TIPARP: variants seen among roughly 807,000 people sequenced by gnomAD.
The protein encoded by TIPARP is protein mono-ADP-ribosyltransferase TIPARP.
In TIPARP, 12 loss-of-function variants were observed where a neutral mutation model predicts 56.5. That is an observed-to-expected ratio of 0.21 (90% CI 0.14 to 0.34). TIPARP has a LOEUF of 0.34. TIPARP is among the 10% of genes least tolerant of loss of function. The pLI is 1.00. For synonymous variants in TIPARP, 296 were observed against 265.7 expected (o/e 1.11, Z -1.11); for missense variants, 604 against 781.6 (o/e 0.77, Z 2.71).
intron 1 of TIPARP, chr3:156,676,646 AGAG>A (rs1238868988): frequency 6.6e-6 from 1 of 152,212 alleles, no homozygotes; most frequent in Non-Finnish European, 1.5e-5. Flanking sequence ...ACAAGAGAGA[AGAG>A]GATTAATTGC....
intron 4 of TIPARP, among the ~76,000 whole-genome samples, chr3:156,698,402 G>A (rs1405145254): frequency 6.6e-6 from 1 of 152,164 alleles, no homozygotes; most frequent in African/African-American, 2.4e-5. Flanking sequence ...GAGAGAAGTT[G>A]ATGCTTGGCT....
rs1722936537 is a variant in TIPARP at position 156,704,667 on chromosome 3, T to G, written c.1527-17T>G. The G allele has an allele frequency of 6.2e-7, 1 of 1,600,232 alleles. No individual in the cohort carries two copies. On this transcript the variant is annotated splice_polypyrimidine_tract_variant and intron_variant, in intron 5 of 5. Transcript: ENST00000295924. ...GTATTTCATCCTTCTGAATTCTCTG[T>G]CTGTTCTTTCCATTAGGAAAAAGGA...
rs935427183 is a variant in TIPARP at position 156,705,796 on chromosome 3, C to A, written c.*665C>A. On this transcript the variant is annotated 3_prime_UTR_variant, in exon 6 of 6. Coordinates refer to ENST00000295924, the MANE Select transcript of TIPARP (RefSeq NM_015508.5). ...CAACCATTTGAAAAATTTTTGTCAC[C>A]AGCAAAACTTTTCACTAATTAGTGA... 5 of 152,536 alleles carry A rather than the reference C, an allele frequency of 3.3e-5. No individual in the cohort carries two copies. Among genetic ancestry groups the A allele is most frequent in the Admixed American group, 6.6e-5 (1 of 15,266 alleles). The allele number at this position is 152,536 out of a possible 1,614,324, so 9.4% of individuals were successfully genotyped here.
At chr3:156,687,147 T>C (rs1213626077) in intron 2 of TIPARP, among the ~76,000 whole-genome samples, 1 of 152,220 alleles carries the variant, frequency 6.6e-6, no homozygotes, top group Non-Finnish European at 1.5e-5. Flanking sequence ...CAGCTGTTCT[T>C]ACAGAAATTA....
chr3:156,705,196 T>TG lies in TIPARP; in HGVS notation c.*68dup. ...TCCAGCATTTGTAGCAGGTTTTGAA[T>TG]GGGTGGGACTGGGTGGGGAACAGCA... On this transcript the variant is annotated 3_prime_UTR_variant, in exon 6 of 6. Coordinates refer to ENST00000295924, the MANE Select transcript of TIPARP (RefSeq NM_015508.5). The TG allele has an allele frequency of 2.3e-6, 1 of 435,784 alleles. No individual in the cohort carries two copies. Among genetic ancestry groups the TG allele is most frequent in the Non-Finnish European group, 4.3e-6 (1 of 232,436 alleles). 27.0% of individuals were successfully genotyped at this position (435,784 alleles called of 1,614,324 possible).
intron 2 of TIPARP, among the ~76,000 whole-genome samples, chr3:156,682,076 A>C (rs1419957122): frequency 6.6e-6 from 1 of 152,222 alleles, no homozygotes; most frequent in Non-Finnish European, 1.5e-5. Flanking sequence ...GAGGTTGTGC[A>C]AATCTCTCTT....
chr3:156,694,379 T>C (rs1190941746), intron 3 of TIPARP, among the ~76,000 whole-genome samples, 191 bp downstream of exon 3: 1 of 152,214 alleles, frequency 6.6e-6, no homozygotes, highest in Non-Finnish European at 1.5e-5. Context: ...TTTCTTTCCA[T>C]TAATTTGAAA....
At chr3:156,703,281 A>T in intron 4 of TIPARP, 143 bp from the exon 5 acceptor site, 1 of 884,924 alleles carries the variant, frequency 1.1e-6, no homozygotes, top group East Asian at 2.8e-5. Flanking sequence ...TTTTAATTAA[A>T]TAGATAGCAT....
intron 2 of TIPARP, among the ~76,000 whole-genome samples, chr3:156,682,904 A>G (rs578007179): frequency 1.8e-4 from 27 of 152,322 alleles, no homozygotes; most frequent in Non-Finnish European, 2.8e-4. Flanking sequence ...AAGCAATCCA[A>G]TGAATTATTT....
Position 156,705,319 on chromosome 3 carries a change from C to G in TIPARP, c.*188C>G. 1.9e-6 allele frequency: 1 copy of G among 525,844 alleles called. No individual in the cohort carries two copies. Among genetic ancestry groups the G allele is most frequent in the Non-Finnish European group, 3.3e-6 (1 of 301,094 alleles). 32.6% of individuals were successfully genotyped at this position (525,844 alleles called of 1,614,324 possible). ...ACAAGTTTTAAAATGACCACTTACTCTTTAATTATTTACTAATTGCTAGTG... is the reference window on the plus strand; with the variant it reads ...ACAAGTTTTAAAATGACCACTTACTGTTTAATTATTTACTAATTGCTAGTG... On this transcript the variant is annotated 3_prime_UTR_variant, in exon 6 of 6. Coordinates refer to ENST00000295924, the MANE Select transcript of TIPARP (RefSeq NM_015508.5).
intron 2 of TIPARP, among the ~76,000 whole-genome samples, chr3:156,679,909 A>T (rs1228155016): frequency 2.0e-5 from 3 of 152,164 alleles, no homozygotes; most frequent in African/African-American, 7.2e-5. Context: ...TGTTCGCATT[A>T]CAGAAACATG....
At chr3:156,681,216 C>A in intron 2 of TIPARP, 1 of 456,544 alleles carries the variant, frequency 2.2e-6, no homozygotes. Context: ...CATTATTTGG[C>A]TAAAGCTATT....
intron 3 of TIPARP, 141 bp from the exon 4 acceptor site, chr3:156,695,724 A>G: frequency 8.4e-7 from 1 of 1,193,170 alleles, no homozygotes; most frequent in Non-Finnish European, 1.1e-6. Flanking sequence ...ATCTTAGCAT[A>G]TAAAGGGAGT....
At chr3:156,680,331 GTTTTTCC>G (rs1170746914) in intron 2 of TIPARP, among the ~76,000 whole-genome samples, 2 of 151,996 alleles carry the variant, frequency 1.3e-5, no homozygotes, top group Non-Finnish European at 2.9e-5. Context: ...AGAGAAAAAT[GTTTTTCC>G]ATTTTATCTT....
intron 3 of TIPARP, among the ~76,000 whole-genome samples, chr3:156,695,310 C>T (rs1424882840): frequency 6.6e-6 from 1 of 152,056 alleles, no homozygotes; most frequent in Non-Finnish European, 1.5e-5. Context: ...AACTCCTGGG[C>T]TCAAGCAGTG....
chr3:156,685,656 A>T (rs1055972586), intron 2 of TIPARP, among the ~76,000 whole-genome samples: 2 of 152,236 alleles, frequency 1.3e-5, no homozygotes, highest in African/African-American at 4.8e-5. Flanking sequence ...GACCACACTT[A>T]CAAGAATTTC....
chr3:156,700,365 G>A (rs961902318), intron 4 of TIPARP, among the ~76,000 whole-genome samples: 1 of 151,872 alleles, frequency 6.6e-6, no homozygotes, highest in Non-Finnish European at 1.5e-5. Context: ...CAGTCCTCCT[G>A]CCTCAGCCTC....
chr3:156,684,614 T>C (rs1722385568), intron 2 of TIPARP, among the ~76,000 whole-genome samples: 1 of 152,162 alleles, frequency 6.6e-6, no homozygotes, highest in Non-Finnish European at 1.5e-5. Flanking sequence ...TGTATTTTAG[T>C]AGAGACAGGG....
At chr3:156,680,460 CCTT>C (rs1209667500) in intron 2 of TIPARP, among the ~76,000 whole-genome samples, 4 of 152,170 alleles carry the variant, frequency 2.6e-5, no homozygotes, top group Non-Finnish European at 4.4e-5. Flanking sequence ...CCACTCTAAT[CCTT>C]CTATCTCCAG....
Sources: gnomAD v4.1 joint callset for allele counts (sites outside exome capture counted in the v4.1 genomes callset) on GRCh38, gnomAD v4.1.1 for gene constraint, MANE v1.5 for transcripts, NCBI Gene and HGNC (gene_info 2026-07-23, HGNC 2026-07-21) for gene names.